CIMIP2A: variants seen among roughly 807,000 people sequenced by gnomAD.
CIMIP2A encodes family with sequence similarity 166 member A.
At chr9:137,252,164 A>G in the CIMIP2A span, 16 of 1,587,852 alleles carry the variant, frequency 1.0e-5, no homozygotes, top group Non-Finnish European at 1.4e-5. Flanking sequence ...AGGCCCAACC[A>G]CCGGGCCTGT....
the CIMIP2A span, chr9:137,247,562 C>A: frequency 8.7e-7 from 1 of 1,149,522 alleles, no homozygotes; most frequent in South Asian, 1.3e-5. Context: ...GGGTCCAGCT[C>A]TGGGCCCCTC....
chr9:137,248,557 A>G, the CIMIP2A span, among the ~76,000 whole-genome samples: 1 of 148,962 alleles, frequency 6.7e-6, no homozygotes, highest in East Asian at 1.9e-4. Context: ...AAAAAAAAAA[A>G]AAAAGAAAGA....
the CIMIP2A span, chr9:137,251,889 G>A: frequency 6.2e-7 from 1 of 1,607,184 alleles, no homozygotes; most frequent in African/African-American, 1.3e-5. Context: ...GACCCTGAGG[G>A]AACTATGTGA....
chr9:137,244,091 C>A, the CIMIP2A span: 1 of 1,392,702 alleles, frequency 7.2e-7, no homozygotes, highest in Non-Finnish European at 1.0e-6. Flanking sequence ...CCTGAACCAG[C>A]AATGAAGGGT....
the CIMIP2A span, chr9:137,253,092 C>G: frequency 1.9e-6 from 3 of 1,546,506 alleles, no homozygotes; most frequent in Admixed American, 5.6e-5. Flanking sequence ...CTGGGTGGGG[C>G]TCCCAGCCTT....
At chr9:137,253,449 T>G in the CIMIP2A span, 14 of 1,438,580 alleles carry the variant, frequency 9.7e-6, no homozygotes, top group Non-Finnish European at 1.2e-5. Flanking sequence ...TCTGCCCATC[T>G]CCCCGCTACA....
the CIMIP2A span, chr9:137,252,561 C>G: frequency 7.5e-7 from 1 of 1,333,250 alleles, no homozygotes; most frequent in Non-Finnish European, 1.0e-6. Flanking sequence ...GGGGAGTCCA[C>G]GCAGGCAGGG....
chr9:137,252,251 C>A, the CIMIP2A span: 1 of 1,425,230 alleles, frequency 7.0e-7, no homozygotes, highest in Non-Finnish European at 9.5e-7. Flanking sequence ...CCCTTCCCTG[C>A]GTTCACCTCT....
the CIMIP2A span, among the ~76,000 whole-genome samples, chr9:137,253,871 C>T: frequency 6.6e-6 from 1 of 152,224 alleles, no homozygotes; most frequent in Admixed American, 6.5e-5. Flanking sequence ...AGCCCCACTT[C>T]CCCTAGGCCT....
chr9:137,253,683 AC>A, the CIMIP2A span, among the ~76,000 whole-genome samples: 1 of 151,428 alleles, frequency 6.6e-6, no homozygotes, highest in Non-Finnish European at 1.5e-5. Flanking sequence ...TCTGTGGGAC[AC>A]CCCCACCCAG....
At chr9:137,244,482 G>A in the CIMIP2A span, 90 of 1,495,710 alleles carry the variant, frequency 6.0e-5, no homozygotes, top group Non-Finnish European at 7.6e-5. Flanking sequence ...GGAGAGAGGG[G>A]TTGGGGCGGC....
chr9:137,244,588 G>A, the CIMIP2A span: 3 of 1,601,376 alleles, frequency 1.9e-6, no homozygotes, highest in Admixed American at 5.1e-5. Context: ...CTGCCAGGCA[G>A]GAGAGGAAGT....
the CIMIP2A span, among the ~76,000 whole-genome samples, chr9:137,249,362 A>T: frequency 2.0e-5 from 3 of 152,260 alleles, no homozygotes; most frequent in East Asian, 5.8e-4. Context: ...GACACTGCAA[A>T]CTGGGACCAT....
the CIMIP2A span, chr9:137,243,642 C>T: frequency 1.2e-6 from 2 of 1,613,958 alleles, no homozygotes; most frequent in Non-Finnish European, 8.5e-7. Context: ...CCACTGTGTG[C>T]ACTTGCTGTT....
At chr9:137,251,591 A>G in the CIMIP2A span, 1 of 994,340 alleles carries the variant, frequency 1.0e-6, no homozygotes, top group Non-Finnish European at 1.4e-6. Flanking sequence ...GGGAGCGGCC[A>G]GGGGCTGAGG....
chr9:137,253,319 T>TC, the CIMIP2A span: 1 of 1,553,152 alleles, frequency 6.4e-7, no homozygotes. Context: ...TTCCCAGGCC[T>TC]CCCCTGGGAC....
the CIMIP2A span, among the ~76,000 whole-genome samples, chr9:137,248,191 C>T: frequency 6.6e-6 from 1 of 152,194 alleles, no homozygotes; most frequent in South Asian, 2.1e-4. Flanking sequence ...GTTATGTTTA[C>T]ATTTTAAGCA....
chr9:137,251,319 C>T, the CIMIP2A span: 1 of 1,613,628 alleles, frequency 6.2e-7, no homozygotes, highest in Non-Finnish European at 8.5e-7. Flanking sequence ...CAGTGAAATT[C>T]CTGGCAAATT....
the CIMIP2A span, chr9:137,244,811 C>G: frequency 2.4e-5 from 38 of 1,581,720 alleles, no homozygotes; most frequent in Non-Finnish European, 3.2e-5. Flanking sequence ...TGCCCTCAGA[C>G]GTGTCAGGGA....
Sources: gnomAD v4.1 joint callset for allele counts (sites outside exome capture counted in the v4.1 genomes callset) on GRCh38, gnomAD v4.1.1 for gene constraint, MANE v1.5 for transcripts, NCBI Gene and HGNC (gene_info 2026-07-23, HGNC 2026-07-21) for gene names.